Variants in ZBTB12 observed in about 807,000 individuals in gnomAD.
ZBTB12 encodes the protein zinc finger and BTB domain-containing protein 12.
Under a neutral mutation model 6.4 loss-of-function variants are expected in ZBTB12, and 1 was observed. The observed-to-expected ratio is 0.16, with a 90% CI of 0.06 to 0.74. ZBTB12 has a LOEUF of 0.74. Among genes scored for constraint, ZBTB12 ranks in the 30% least tolerant of loss-of-function variants. The probability of loss-of-function intolerance (pLI) is 0.78; values close to 1 mark genes in which losing one functional copy is unlikely to be tolerated. For synonymous variants in ZBTB12, 273 were observed against 262.5 expected (o/e 1.04, Z -0.39); for missense variants, 344 against 613.9 (o/e 0.56, Z 4.65).
At chr6:31,901,470 G>T (rs1767261599) in intron 1 of ZBTB12, 145 bp from the exon 2 acceptor site, 1 of 830,578 alleles carries the variant, frequency 1.2e-6, no homozygotes, top group Non-Finnish European at 1.8e-6. Context: ...CCCAACCCTG[G>T]GGAGGTGCTG....
chr6:31,900,211 G>C lies in ZBTB12; in HGVS notation c.1095C>G (p.Gly365=), dbSNP rs1472815242. 6 of 1,614,040 alleles carry C rather than the reference G, an allele frequency of 3.7e-6. No homozygotes were observed. The highest frequency in any genetic ancestry group is 5.1e-6 in the Non-Finnish European group (6 of 1,180,050). The change falls in exon 2 of 2, where the codon GGC becomes GGG. Residue 365 remains glycine, a synonymous_variant. Coordinates refer to ENST00000375527, the MANE Select transcript of ZBTB12 (RefSeq NM_181842.3). This position sits in a 1 kb window ranked among gnomAD's most constrained non-coding sequence, Gnocchi z 9.7. ...GGTTGCTGCTGTGGTTGAACTGCTT[G>C]CCACAGCGAGGGCACATGAAGATGA... The part of the protein sequence containing the change: ...QHFIFMCPRC[G]KQFNHSSNLN...
At chr6:31,901,641 C>T (rs1244404131) in intron 1 of ZBTB12, among the ~76,000 whole-genome samples, 196 bp downstream of exon 1, 1 of 151,842 alleles carries the variant, frequency 6.6e-6, no homozygotes, top group East Asian at 1.9e-4. Flanking sequence ...TCCAAGGTGG[C>T]CCCGGTTGCA....
intron 1 of ZBTB12, 137 bp from the exon 2 acceptor site, chr6:31,901,462 C>T (rs567208909): frequency 6.7e-6 from 6 of 895,536 alleles, no homozygotes; most frequent in South Asian, 1.8e-5. Context: ...TCAGTTTCCC[C>T]AACCCTGGGG....
intron 1 of ZBTB12, among the ~76,000 whole-genome samples, 157 bp from the exon 2 acceptor site, chr6:31,901,482 C>T (rs1185745318): frequency 4.6e-5 from 7 of 152,026 alleles, no homozygotes; most frequent in African/African-American, 1.4e-4. Context: ...GAGGTGCTGT[C>T]CCTCTGAGAG....
intron 1 of ZBTB12, 135 bp downstream of exon 1, chr6:31,901,702 C>G (rs902215766): frequency 2.1e-5 from 5 of 238,698 alleles, no homozygotes; most frequent in African/African-American, 9.3e-5. Context: ...CTCCGCCCCC[C>G]CCTTACACGT....
chr6:31,901,120 G>A lies in ZBTB12; in HGVS notation c.186C>T (p.Phe62=), dbSNP rs750001934. The change falls in exon 2 of 2, where the codon TTC becomes TTT. Residue 62 remains phenylalanine, a synonymous_variant. Coordinates refer to ENST00000375527, the MANE Select transcript of ZBTB12 (RefSeq NM_181842.3). ...AACSPFLRDQ[F]LLNPSSELQV... ...GCAGCTCCGAGCTGGGGTTCAGCAG[G>A]AACTGGTCCCGCAGGAAGGGTGAGC... 6 of 1,614,030 alleles carry A rather than the reference G, an allele frequency of 3.7e-6. No homozygotes were observed. Among genetic ancestry groups the A allele is most frequent in the Admixed American group, 3.3e-5 (2 of 60,034 alleles).
Position 31,901,333 on chromosome 6 carries a change from G to T in ZBTB12, c.-20-8C>A. Reference sequence around the variant, plus strand: ...TGGCGGGGGTGGGCAACCCTGGTTGGGAAGGAAACCGGTCAGAGACAAAGG... The same window carrying T: ...TGGCGGGGGTGGGCAACCCTGGTTGTGAAGGAAACCGGTCAGAGACAAAGG... On this transcript the variant is annotated splice_region_variant and splice_polypyrimidine_tract_variant and intron_variant, in intron 1 of 1. Transcript: ENST00000375527. 4 of 1,587,468 alleles carry T rather than the reference G, an allele frequency of 2.5e-6. No homozygotes were observed. Among genetic ancestry groups the T allele is most frequent in the Non-Finnish European group, 2.6e-6 (3 of 1,164,270 alleles).
intron 1 of ZBTB12, 137 bp from the exon 2 acceptor site, chr6:31,901,462 C>G: frequency 1.1e-6 from 1 of 895,654 alleles, no homozygotes; most frequent in South Asian, 1.8e-5. Flanking sequence ...TCAGTTTCCC[C>G]AACCCTGGGG....
chr6:31,901,627 G>A (rs1477415230), intron 1 of ZBTB12, among the ~76,000 whole-genome samples: 2 of 151,846 alleles, frequency 1.3e-5, no homozygotes, highest in Non-Finnish European at 2.9e-5. Flanking sequence ...CTGGGGCTCT[G>A]GACTCCAAGG....
In ZBTB12 at chr6:31,900,368, G is replaced by A. The variant is rs1420137934; in HGVS notation, c.938C>T (p.Ala313Val). ...AGGCAGGGGTCCCCGGCTGCCCCCC[G>A]CCCCCAGGCTGCCCCCCGCCCCCCG... The part of the protein sequence containing the change: ...AARGAGGSLG[A>V]GGSRGPLPGG... Residue 313 changes from alanine (A) to valine (V), a missense_variant, in exon 2 of 2, where the codon GCG (alanine) becomes GTG (valine). Ala to Val is a moderately conservative substitution (Grantham distance 64, BLOSUM62 0). This residue lies in a region of ZBTB12 where 241 missense variants were observed against 315.4 expected (regional missense o/e 0.76). Coordinates refer to ENST00000375527, the MANE Select transcript of ZBTB12 (RefSeq NM_181842.3). This position sits in a 1 kb window ranked among gnomAD's most constrained non-coding sequence, Gnocchi z 9.7. 7 of 1,403,428 alleles carry A rather than the reference G, an allele frequency of 5.0e-6. No individual in the cohort carries two copies. In the Admixed American group the frequency reaches 5.8e-5, roughly 12 times the overall value. 86.9% of individuals were successfully genotyped at this position (1,403,428 alleles called of 1,614,324 possible).
At position 31,901,948 on chromosome 6, in the gene ZBTB12, G is replaced by C. The variant is rs1255419161; in HGVS notation, c.-132C>G. On this transcript the variant is annotated 5_prime_UTR_variant, in exon 1 of 2. In the 5' UTR this introduces an upstream ATG that the reference lacks. Transcript: ENST00000375527. The stretch of plus-strand genomic sequence containing the variant: ...GGCCTGGGCAGCGCGCAGGCGCGGG[G>C]ATGCACGGGACGCGCGCGCGCGCGG... 1.4e-5 allele frequency: 2 copies of C among 147,422 alleles called. No individual in the cohort carries two copies. Among genetic ancestry groups the C allele is most frequent in the East Asian group, 2.0e-4 (1 of 4,902 alleles). 9.1% of individuals were successfully genotyped at this position (147,422 alleles called of 1,614,324 possible). A position where few individuals can be genotyped will look rare whatever the true frequency, so the allele number is the denominator to read the frequency against.
In ZBTB12 at chr6:31,900,661, C is replaced by G; in HGVS notation, c.645G>C (p.Ser215=). The G allele has an allele frequency of 6.2e-7, 1 of 1,612,746 alleles. No homozygotes were observed. The highest frequency in any genetic ancestry group is 1.7e-5 in the Admixed American group (1 of 59,972). Residue 215 remains serine (S), a synonymous_variant, in exon 2 of 2, where the codon TCG becomes TCC. Transcript: ENST00000375527. The surrounding 1 kb of genome is among the most constrained non-coding windows in gnomAD (Gnocchi z 9.7). ...TGAGCCGGTGTGCCACCTCCAGGGC[C>G]GACTCCACCTTGACGATGCAGATGT... ...VSDICIVKVE[S]ALEVAHRLKP...
rs754733310 is a variant in ZBTB12, at chr6:31,900,549, G to C, written c.757C>G (p.Pro253Ala). ...CCCTGCGGTGGGGCTACAGTGCTGG[G>C]GGGAACGCTGCTCTGGGCCAGCTCC... ...LGELAQSSVP[P>A]STVAPPQGVV... is the part of the protein sequence containing the mutation. The change falls in exon 2 of 2, where the codon CCC becomes GCC. Residue 253 changes from proline to alanine, a missense_variant. Around this residue, in one of 5 missense-constraint regions of ZBTB12, gnomAD observed 241 missense variants for 315.4 expected, o/e 0.76. Transcript: ENST00000375527. The surrounding 1 kb of genome is among the most constrained non-coding windows in gnomAD (Gnocchi z 9.7). 1.1e-5 allele frequency: 18 copies of C among 1,611,968 alleles called. No individual in the cohort carries two copies. The Admixed American group carries it at 2.7e-4, about 24-fold the overall frequency.
chr6:31,901,003 G>T lies in ZBTB12; in HGVS notation c.303C>A (p.Val101=), dbSNP rs1225333456. The part of the protein sequence containing the change: ...GALEFAVRDI[V]NYLTAASYLQ... ...GGTAGGAGGCGGCTGTAAGGTAGTT[G>T]ACGATGTCCCTAACAGCGAATTCCA... Residue 101 remains valine, a synonymous_variant, in exon 2 of 2, where the codon GTC becomes GTA. Transcript: ENST00000375527. The T allele has an allele frequency of 6.2e-7, 1 of 1,614,210 alleles. No homozygotes were observed. Among genetic ancestry groups the T allele is most frequent in the East Asian group, 2.2e-5 (1 of 44,882 alleles).
chr6:31,900,362 C>T lies in ZBTB12; in HGVS notation c.944G>A (p.Gly315Asp), dbSNP rs753949306. The change falls in exon 2 of 2, where the codon GGC (glycine) becomes GAC (aspartate). Residue 315 changes from glycine to aspartate, a missense_variant. Gly to Asp is a moderately conservative substitution (Grantham distance 94). This residue lies in a region of ZBTB12 where 241 missense variants were observed against 315.4 expected (regional missense o/e 0.76). Transcript: ENST00000375527. The surrounding 1 kb of genome is among the most constrained non-coding windows in gnomAD (Gnocchi z 9.7). ...RGAGGSLGAG[G>D]SRGPLPGGFS... ...GCCCCCAGGCAGGGGTCCCCGGCTG[C>T]CCCCCGCCCCCAGGCTGCCCCCCGC... 1.9e-6 allele frequency: 3 copies of T among 1,578,060 alleles called. No individual in the cohort carries two copies. The highest frequency in any genetic ancestry group is 2.3e-5 in the East Asian group (1 of 43,088).
In ZBTB12 at chr6:31,899,924, G is replaced by A; in HGVS notation, c.*2C>T. On this transcript the variant is annotated 3_prime_UTR_variant, in exon 2 of 2. Coordinates refer to ENST00000375527, the MANE Select transcript of ZBTB12 (RefSeq NM_181842.3). ...AGCCTCCTGGCCTCCACGCCTGCGC[G>A]GCTAGCGGATGAGGACGTTAATCTC... The A allele has an allele frequency of 1.3e-6, 2 of 1,573,082 alleles. No homozygotes were observed. The highest frequency in any genetic ancestry group is 1.7e-6 in the Non-Finnish European group (2 of 1,157,780).
At position 31,900,721 on chromosome 6, in the gene ZBTB12, C is replaced by T. The variant is rs1475869011; in HGVS notation, c.585G>A (p.Glu195=). The change falls in exon 2 of 2, where the codon GAG becomes GAA. Residue 195 remains glutamate, a synonymous_variant. Transcript: ENST00000375527. The surrounding 1 kb of genome is among the most constrained non-coding windows in gnomAD (Gnocchi z 9.7). Reference sequence around the variant, plus strand: ...CCTCATCCTCATCCTCATCCTCTTCCTCGGCTTTCAGCTCCAAGTCTTCAT... The same window carrying T: ...CCTCATCCTCATCCTCATCCTCTTCTTCGGCTTTCAGCTCCAAGTCTTCAT... ...PLDEDLELKA[E]EEDEDEDEDV... 3 of 1,600,962 alleles carry T rather than the reference C, an allele frequency of 1.9e-6. No homozygotes were observed. The highest frequency in any genetic ancestry group is 2.2e-5 in the South Asian group (2 of 89,306).
Position 31,901,006 on chromosome 6 carries a change from G to A in ZBTB12, c.300C>T (p.Ile100=). The A allele has an allele frequency of 1.9e-6, 3 of 1,614,188 alleles. No homozygotes were observed. The highest frequency in any genetic ancestry group is 2.5e-6 in the Non-Finnish European group (3 of 1,180,028). Residue 100 remains isoleucine (I), a synonymous_variant, in exon 2 of 2, where the codon ATC becomes ATT. Transcript: ENST00000375527. ...TGALEFAVRD[I]VNYLTAASYL... ...AGGAGGCGGCTGTAAGGTAGTTGAC[G>A]ATGTCCCTAACAGCGAATTCCAAGG...
At position 31,901,338 on chromosome 6, in the gene ZBTB12, G is replaced by A; in HGVS notation, c.-20-13C>T. ...GGGGTGGGCAACCCTGGTTGGGAAGGAAACCGGTCAGAGACAAAGGTCTCT... is the reference window on the plus strand; with the variant it reads ...GGGGTGGGCAACCCTGGTTGGGAAGAAAACCGGTCAGAGACAAAGGTCTCT... On this transcript the variant is annotated splice_polypyrimidine_tract_variant and intron_variant, in intron 1 of 1. Coordinates refer to ENST00000375527, the MANE Select transcript of ZBTB12 (RefSeq NM_181842.3). 2 of 1,582,840 alleles carry A rather than the reference G, an allele frequency of 1.3e-6. No homozygotes were observed. The highest frequency in any genetic ancestry group is 1.7e-6 in the Non-Finnish European group (2 of 1,162,252).
Sources: allele counts gnomAD v4.1 joint callset (sites outside exome capture counted in the v4.1 genomes callset), GRCh38; gene constraint gnomAD v4.1.1; regional missense constraint gnomAD v4.1.1; non-coding constraint Gnocchi (gnomAD v3.1); transcripts MANE v1.5; gene names NCBI Gene and HGNC (gene_info 2026-07-23, HGNC 2026-07-21).